Variants in ZNF217 observed in about 807,000 individuals in gnomAD.
ZNF217 encodes the protein zinc finger protein 217.
A neutral mutation model predicts 73.3 loss-of-function variants in ZNF217; 12 were observed. The ratio of observed to expected loss-of-function variants is 0.16; its 90% CI spans 0.10 to 0.27. The LOEUF (loss-of-function observed/expected upper bound fraction) is 0.27. ZNF217 is among the 10% of genes least tolerant of loss of function. ZNF217 has a pLI of 1.00. For missense variants in ZNF217, 1,195 were observed against 1,327.8 expected (o/e 0.90, Z 1.55); for synonymous variants, 588 against 516.4 (o/e 1.14, Z -1.88).
chr20:53,594,111 G>A (rs1401375745), upstream of ZNF217, among the ~76,000 whole-genome samples: 1 of 149,820 alleles, frequency 6.7e-6, no homozygotes, highest in East Asian at 2.0e-4. Flanking sequence ...GCTCACCTCG[G>A]GCGCGGGGCT....
At chr20:53,570,298 G>A (rs61744628) in intron 5 of ZNF217, 3,319 of 152,830 alleles carry the variant, frequency 0.022, 51 homozygotes, top group South Asian at 0.04. Context: ...ACCACACAAG[G>A]CTCACGCTGC....
In ZNF217 at chr20:53,569,274, AC is replaced by A. The variant is rs753340266; in HGVS notation, c.*24-11del. ...TGACATCCACCAAGACCTAAGGAAA[AC>A]AACATTTTTTAAATGATTAAGATCA... On this transcript the variant is annotated splice_polypyrimidine_tract_variant and intron_variant, in intron 5 of 5. Transcript: ENST00000371471. 2.4e-5 allele frequency: 31 copies of A among 1,310,086 alleles called. 1 individual carries two copies. The highest frequency in any genetic ancestry group is 1.2e-4 in the African/African-American group (8 of 65,098). 81.2% of individuals were successfully genotyped at this position (1,310,086 alleles called of 1,614,324 possible).
chr20:53,594,869 AAC>A (rs910267342), upstream of ZNF217, among the ~76,000 whole-genome samples: 3 of 152,098 alleles, frequency 2.0e-5, no homozygotes, highest in African/African-American at 7.2e-5. Flanking sequence ...CGAGAAGATA[AAC>A]AGTTTTTAAA....
chr20:53,594,374 A>C (rs981028891), upstream of ZNF217, among the ~76,000 whole-genome samples: 1 of 73,174 alleles, frequency 1.4e-5, no homozygotes, highest in African/African-American at 5.3e-5. Flanking sequence ...CCGCCCGGCC[A>C]CGCCCCACAC....
chr20:53,575,242 G>C (rs1368615261), intron 4 of ZNF217: 1 of 152,644 alleles, frequency 6.6e-6, no homozygotes, highest in Non-Finnish European at 1.5e-5. Context: ...AGATACTTGG[G>C]AGGTCAACGC....
upstream of ZNF217, among the ~76,000 whole-genome samples, chr20:53,596,214 ATTTGTTACTGT>A (rs1989038991): frequency 6.7e-6 from 1 of 149,932 alleles, no homozygotes; most frequent in Non-Finnish European, 1.5e-5. Flanking sequence ...TAGCATCATG[ATTTGTTACTGT>A]TTCGCCGCCT....
At chr20:53,595,446 G>A (rs896691871), upstream of ZNF217, among the ~76,000 whole-genome samples, 11 of 152,326 alleles carry the variant, frequency 7.2e-5, no homozygotes, top group Non-Finnish European at 1.5e-4. Context: ...CGGAGCTGGT[G>A]AGCAATGCAA....
At chr20:53,589,921 A>T (rs1988823876) in intron 1 of ZNF217, among the ~76,000 whole-genome samples, 1 of 125,032 alleles carries the variant, frequency 8.0e-6, no homozygotes, top group Non-Finnish European at 1.6e-5. Context: ...GAATCTGGAG[A>T]AGAGGTGTGC....
chr20:53,575,605 C>T, intron 4 of ZNF217, 122 bp downstream of exon 4: 2 of 944,752 alleles, frequency 2.1e-6, no homozygotes, highest in South Asian at 3.6e-5. Context: ...TCTGTGACCC[C>T]CAAGAACTTC....
intron 2 of ZNF217, among the ~76,000 whole-genome samples, chr20:53,579,619 A>C (rs529956821): frequency 6.6e-6 from 1 of 152,306 alleles, no homozygotes; most frequent in East Asian, 1.9e-4. Flanking sequence ...CATATCCAAA[A>C]AGCTATGAAA....
At chr20:53,585,119 CTAAG>C (rs1044193361) in intron 1 of ZNF217, among the ~76,000 whole-genome samples, 7 of 70,864 alleles carry the variant, frequency 9.9e-5, no homozygotes, top group Middle Eastern at 8.2e-3. Flanking sequence ...AAAAAAAAAA[CTAAG>C]TTAGTCCCTA....
At chr20:53,577,546 CT>C (rs1442593570) in intron 3 of ZNF217, among the ~76,000 whole-genome samples, 1 of 152,172 alleles carries the variant, frequency 6.6e-6, no homozygotes, top group Non-Finnish European at 1.5e-5. Context: ...TATTATTCTA[CT>C]TTTACAGCAA....
rs144578815 is a variant in ZNF217 at position 53,581,010 on chromosome 20, G to A, written c.1366+451C>T. On this transcript the variant is annotated intron_variant, in intron 2 of 5. Coordinates refer to ENST00000371471, the MANE Select transcript of ZNF217 (RefSeq NM_006526.3). This position sits in a 1 kb window ranked among gnomAD's most constrained non-coding sequence, Gnocchi z 4.9. ...GCTGTCCTGTGCACTGTACCATGCT[G>A]AGCAGTGTCCCTGGCCTCTGCCCAC... Among the ~76,000 whole-genome samples the A allele has an allele frequency of 1.6e-4, 24 of 152,244 alleles. No individual in the cohort carries two copies. In the East Asian group the frequency reaches 4.6e-3, roughly 29 times the overall value.
chr20:53,590,577 T>C (rs1380412482), intron 1 of ZNF217, among the ~76,000 whole-genome samples: 1 of 152,078 alleles, frequency 6.6e-6, no homozygotes, highest in Admixed American at 6.5e-5. Context: ...TATCAACCAA[T>C]ATCATGTTTG....
intron 4 of ZNF217, chr20:53,574,661 G>A (rs6063965): frequency 0.15 from 22,075 of 152,092 alleles, 1,793 homozygotes; most frequent in African/African-American, 0.21. Context: ...CGGGCGTGGT[G>A]GCACGTGCCT....
chr20:53,597,504 A>T (rs1989061655), upstream of ZNF217: 1 of 152,166 alleles, frequency 6.6e-6, no homozygotes, highest in Non-Finnish European at 1.5e-5. Flanking sequence ...TCGAAGGAGC[A>T]CCACATTGCT....
Position 53,582,466 on chromosome 20 carries a change from T to C in ZNF217, c.361A>G (p.Lys121Glu), listed in dbSNP as rs762454311. The C allele has an allele frequency of 2.5e-6, 4 of 1,614,186 alleles. No homozygotes were observed. The highest frequency in any genetic ancestry group is 1.6e-4 in the Middle Eastern group (1 of 6,062). ...CTAAATTCATTTTCCTTGCAATTCTTTTCCTTGGGAGGTTCTGTTCGCACT... is the reference window on the plus strand; with the variant it reads ...CTAAATTCATTTTCCTTGCAATTCTCTTCCTTGGGAGGTTCTGTTCGCACT... ...SQVRTEPPKE[K>E]NCKENEFSCE... The change falls in exon 2 of 6, where the codon AAG becomes GAG. Residue 121 changes from lysine to glutamate, a missense_variant. Lys to Glu is a moderately conservative substitution (Grantham distance 56). Around this residue, in one of 9 missense-constraint regions of ZNF217, gnomAD observed 147 missense variants for 184.3 expected, o/e 0.80. Transcript: ENST00000371471. The surrounding 1 kb of genome is among the most constrained non-coding windows in gnomAD (Gnocchi z 4.8).
intron 4 of ZNF217, chr20:53,574,473 G>GC (rs1988155225): frequency 6.6e-6 from 1 of 152,314 alleles, no homozygotes; most frequent in South Asian, 2.1e-4. Flanking sequence ...AAGTTTACAG[G>GC]CCAGCAGGGA....
At chr20:53,592,496 C>A (rs1305274237) in intron 1 of ZNF217, among the ~76,000 whole-genome samples, 1 of 151,938 alleles carries the variant, frequency 6.6e-6, no homozygotes, top group Non-Finnish European at 1.5e-5. Context: ...TGGCGGAAAA[C>A]TCCCTGCCTG....
Sources: gnomAD v4.1 joint callset for allele counts (sites outside exome capture counted in the v4.1 genomes callset) on GRCh38, gnomAD v4.1.1 for gene constraint, gnomAD v4.1.1 regional missense constraint, Gnocchi (gnomAD v3.1) non-coding constraint, MANE v1.5 for transcripts, NCBI Gene and HGNC (gene_info 2026-07-23, HGNC 2026-07-21) for gene names.